AOPEP: variants seen among roughly 807,000 people sequenced by gnomAD.
AOPEP encodes the protein aminopeptidase O (putative).
In AOPEP, 77 loss-of-function variants were observed where a neutral mutation model predicts 98.1. The ratio of observed to expected loss-of-function variants is 0.78; its 90% CI spans 0.65 to 0.95. The LOEUF is 0.95. Ranked by LOEUF, AOPEP falls within the 40% of genes least tolerant of loss-of-function variation. The probability of loss-of-function intolerance (pLI) is 0.00; values close to 1 mark genes in which losing one functional copy is unlikely to be tolerated. For missense variants in AOPEP, 1,024 were observed against 1,024.7 expected (o/e 1.00, Z 0.01); for synonymous variants, 346 against 365.3 (o/e 0.95, Z 0.60).
intron 7 of AOPEP, among the ~76,000 whole-genome samples, chr9:94,935,862 T>G (rs1264512518): frequency 1.3e-5 from 2 of 152,118 alleles, no homozygotes; most frequent in African/African-American, 4.8e-5. Flanking sequence ...TTACTGATCA[T>G]CCCCTCTACC....
intron 5 of AOPEP, among the ~76,000 whole-genome samples, chr9:94,880,118 CAGCACT>C (rs1371980724): frequency 6.6e-6 from 1 of 152,162 alleles, no homozygotes; most frequent in Non-Finnish European, 1.5e-5. Context: ...CTCACAGTGT[CAGCACT>C]AGCTGATTTA....
At chr9:95,072,229 G>A (rs574245927) in intron 14 of AOPEP, among the ~76,000 whole-genome samples, 3 of 152,312 alleles carry the variant, frequency 2.0e-5, no homozygotes, top group Non-Finnish European at 2.9e-5. Context: ...CCATGCCCAC[G>A]TATTTACATG....
At chr9:94,768,124 C>A (rs1192753484) in intron 2 of AOPEP, among the ~76,000 whole-genome samples, 2 of 152,108 alleles carry the variant, frequency 1.3e-5, no homozygotes, top group African/African-American at 4.8e-5. Flanking sequence ...CCTTGTAACC[C>A]TTGGAAACTT....
intron 14 of AOPEP, among the ~76,000 whole-genome samples, chr9:95,080,435 T>G (rs1028376237): frequency 1.3e-5 from 2 of 152,180 alleles, no homozygotes; most frequent in Non-Finnish European, 2.9e-5. Context: ...GAGAATTGCT[T>G]GAACCCGGGA....
chr9:94,742,217 A>C (rs1202268477), intron 1 of AOPEP, among the ~76,000 whole-genome samples: 1 of 152,124 alleles, frequency 6.6e-6, no homozygotes, highest in East Asian at 1.9e-4. Flanking sequence ...TTGATCATTG[A>C]TTGGGTCGAG....
chr9:94,861,681 A>T (rs2045014312), intron 5 of AOPEP, among the ~76,000 whole-genome samples: 1 of 152,114 alleles, frequency 6.6e-6, no homozygotes, highest in Non-Finnish European at 1.5e-5. Flanking sequence ...CTTAGACTAG[A>T]TCCCAGAGAT....
chr9:95,062,873 GCAATGCCC>G (rs1228849666), intron 14 of AOPEP, among the ~76,000 whole-genome samples: 1 of 152,212 alleles, frequency 6.6e-6, no homozygotes, highest in Non-Finnish European at 1.5e-5. Context: ...CTTCATGGAG[GCAATGCCC>G]CCGTGTTCAG....
At chr9:94,843,972 A>G (rs1412939254) in intron 5 of AOPEP, among the ~76,000 whole-genome samples, 3 of 152,182 alleles carry the variant, frequency 2.0e-5, no homozygotes, top group Non-Finnish European at 4.4e-5. Context: ...TCATCTGACT[A>G]TATCTGGGCT....
intron 5 of AOPEP, among the ~76,000 whole-genome samples, chr9:94,824,082 T>A (rs1210970288): frequency 6.6e-6 from 1 of 152,200 alleles, no homozygotes; most frequent in Non-Finnish European, 1.5e-5. Flanking sequence ...TTCCCCAATG[T>A]ACACCAATTT....
intron 5 of AOPEP, among the ~76,000 whole-genome samples, chr9:94,909,715 G>A (rs914654920): frequency 6.6e-6 from 1 of 152,194 alleles, no homozygotes; most frequent in African/African-American, 2.4e-5. Context: ...ATCCCCACAA[G>A]CCTCTAGCTT....
chr9:94,979,920 C>A (rs1037992529), intron 11 of AOPEP, among the ~76,000 whole-genome samples: 2 of 152,190 alleles, frequency 1.3e-5, no homozygotes, highest in African/African-American at 4.8e-5. Context: ...TCCCTCGTCT[C>A]CTGGTTCTGC....
chr9:94,919,428 A>C (rs1025746603), intron 5 of AOPEP, among the ~76,000 whole-genome samples: 1 of 152,116 alleles, frequency 6.6e-6, no homozygotes, highest in Non-Finnish European at 1.5e-5. Context: ...CCTCCCACGC[A>C]GTCTCAGGGC....
chr9:94,880,462 G>A (rs1316689499), intron 5 of AOPEP, among the ~76,000 whole-genome samples: 1 of 150,560 alleles, frequency 6.6e-6, no homozygotes, highest in East Asian at 2.0e-4. Context: ...GACCTCCCAG[G>A]CTCAACCCAT....
At chr9:95,089,326 G>A (rs2070833984), downstream of AOPEP, among the ~76,000 whole-genome samples, 1 of 152,230 alleles carries the variant, frequency 6.6e-6, no homozygotes, top group South Asian at 2.1e-4. Context: ...ACTGAGGCTA[G>A]AACGCTCACT....
At chr9:95,053,085 A>G (rs2066523746) in intron 13 of AOPEP, among the ~76,000 whole-genome samples, 1 of 152,310 alleles carries the variant, frequency 6.6e-6, no homozygotes, top group African/African-American at 2.4e-5. Context: ...GTTAGAGCAC[A>G]TGCTTTAATT....
intron 13 of AOPEP, among the ~76,000 whole-genome samples, chr9:95,032,194 C>CG (rs2064370604): frequency 2.0e-5 from 3 of 152,222 alleles, no homozygotes; most frequent in Non-Finnish European, 4.4e-5. Flanking sequence ...ACCTGGCCAG[C>CG]GGAGGCCACC....
intron 13 of AOPEP, among the ~76,000 whole-genome samples, chr9:95,049,256 A>G (rs2066132457): frequency 6.6e-6 from 1 of 152,206 alleles, no homozygotes; most frequent in African/African-American, 2.4e-5. Flanking sequence ...TTTGGAGTAA[A>G]GGTGGAGATT....
the AOPEP span, chr9:95,135,304 C>T: frequency 6.3e-7 from 1 of 1,597,004 alleles, no homozygotes; most frequent in African/African-American, 1.3e-5. Context: ...TTCCAAGCAT[C>T]TCCTTCAAGG....
intron 5 of AOPEP, among the ~76,000 whole-genome samples, chr9:94,885,610 G>A (rs2048151252): frequency 6.6e-6 from 1 of 151,952 alleles, no homozygotes; most frequent in Non-Finnish European, 1.5e-5. Flanking sequence ...GGGACATGTA[G>A]CCTAACACTT....
Sources: allele counts gnomAD v4.1 joint callset (sites outside exome capture counted in the v4.1 genomes callset), GRCh38; gene constraint gnomAD v4.1.1; transcripts MANE v1.5; gene names NCBI Gene and HGNC (gene_info 2026-07-23, HGNC 2026-07-21).